The following SERINC1 variants were observed in gnomAD, a reference collection of about 807,000 sequenced individuals.
The protein encoded by SERINC1 is serine incorporator 1.
A neutral mutation model predicts 52.9 loss-of-function variants in SERINC1; 38 were observed. The ratio of observed to expected loss-of-function variants is 0.72; its 90% CI spans 0.55 to 0.94. SERINC1 has a LOEUF of 0.94. Ranked by LOEUF, SERINC1 falls within the 40% of genes least tolerant of loss-of-function variation. SERINC1 has a pLI of 0.00. For missense variants in SERINC1, 471 were observed against 533.9 expected, an observed-to-expected ratio of 0.88 and a Z score of 1.16; for synonymous variants, 198 against 183.1, an observed-to-expected ratio of 1.08 and a Z score of -0.66.
intron 1 of SERINC1, 82 bp from the exon 2 acceptor site, chr6:122,458,763 TTCTA>T: frequency 2.0e-6 from 2 of 996,882 alleles, no homozygotes; most frequent in Non-Finnish European, 2.9e-6. Context: ...AAAATTGACA[TTCTA>T]TCTGTTAAAA....
At position 122,443,604 on chromosome 6, in the gene SERINC1, A is replaced by G. The variant is rs555407580; in HGVS notation, c.*1440T>C. On this transcript the variant is annotated 3_prime_UTR_variant, in exon 10 of 10. Transcript: ENST00000339697. ...ACAATAATCTATATATTTCAATTAC[A>G]TGGCAGTAAATACAAAAGCATTTTA... The G allele has an allele frequency of 6.6e-6, 1 of 152,348 alleles. No homozygotes were observed. Among genetic ancestry groups the G allele is most frequent in the African/African-American group, 2.4e-5 (1 of 41,590 alleles). The allele number at this position is 152,348 out of a possible 1,614,324, so 9.4% of individuals were successfully genotyped here.
chr6:122,447,088 GT>G, intron 8 of SERINC1, 32 bp downstream of exon 8: 1 of 1,595,302 alleles, frequency 6.3e-7, no homozygotes, highest in Non-Finnish European at 8.6e-7. Context: ...TAGACTTCTT[GT>G]TTAAAGAAAA....
At position 122,447,223 on chromosome 6, in the gene SERINC1, T is replaced by C. The variant is rs1406110058; in HGVS notation, c.893A>G (p.Asn298Ser). Residue 298 changes from asparagine to serine, a missense_variant, in exon 8 of 10, where the codon AAT becomes AGT. Physicochemically the swap from Asn to Ser is conservative, Grantham distance 46. Coordinates refer to ENST00000339697, the MANE Select transcript of SERINC1 (RefSeq NM_020755.4). The part of the protein sequence containing the change: ...NPSLLSIIGY[N>S]TTSTVPKEGQ... ...TTCCTTTGGGACAGTGCTTGTTGTA[T>C]TGTAGCCAATTATGCTTAGTAGACT... 9 of 1,612,728 alleles carry C rather than the reference T, an allele frequency of 5.6e-6. No homozygotes were observed. Among genetic ancestry groups the C allele is most frequent in the African/African-American group, 2.7e-5 (2 of 74,892 alleles).
At chr6:122,457,900 A>T (rs144059772) in intron 2 of SERINC1, among the ~76,000 whole-genome samples, 1 of 151,784 alleles carries the variant, frequency 6.6e-6, no homozygotes, top group East Asian at 1.9e-4. Flanking sequence ...TCCTTCCACA[A>T]CCTGACTCTC....
intron 3 of SERINC1, among the ~76,000 whole-genome samples, chr6:122,454,782 A>G (rs1286087476): frequency 6.6e-6 from 1 of 152,192 alleles, no homozygotes; most frequent in Non-Finnish European, 1.5e-5. Flanking sequence ...CTGAAGGCAA[A>G]GGGAATACAC....
rs749818068 is a variant in SERINC1, at chr6:122,456,579, A to G, written c.273T>C (p.Tyr91=). 2.5e-6 allele frequency: 4 copies of G among 1,612,698 alleles called. No individual in the cohort carries two copies. In the South Asian group the frequency reaches 3.3e-5, roughly 13 times the overall value. Residue 91 remains tyrosine, a synonymous_variant, in exon 3 of 10, where the codon TAT becomes TAC. Coordinates refer to ENST00000339697, the MANE Select transcript of SERINC1 (RefSeq NM_020755.4). ...CNILVGYKAV[Y]RLCFGLAMFY... is the part of the protein sequence containing the mutation. ...ACATAGCCAAACCAAAGCACAAACG[A>G]TATACAGCTTTATAGCCAACCAAAA...
chr6:122,458,636 A>G lies in SERINC1; in HGVS notation c.85T>C (p.Cys29Arg). ...GSAPCLLCRC[C>R]PSGNNSTVTR... ...ACAGTGGAGTTGTTTCCACTAGGAC[A>G]GCATCGGCATAGCAAACACGGGGCA... is the stretch of plus-strand genomic sequence containing the variant. The change falls in exon 2 of 10, where the codon TGT becomes CGT. Residue 29 changes from cysteine (C) to arginine (R), a missense_variant. Transcript: ENST00000339697. 1 of 1,610,946 alleles carries G rather than the reference A, an allele frequency of 6.2e-7. No individual in the cohort carries two copies.
intron 2 of SERINC1, 83 bp from the exon 3 acceptor site, chr6:122,456,733 T>A: frequency 9.3e-7 from 1 of 1,072,062 alleles, no homozygotes; most frequent in Non-Finnish European, 1.3e-6. Context: ...ATAGTTTAAG[T>A]AAAGGTTTAG....
chr6:122,457,339 T>C (rs533112619), intron 2 of SERINC1, among the ~76,000 whole-genome samples: 2 of 152,224 alleles, frequency 1.3e-5, no homozygotes, highest in Non-Finnish European at 2.9e-5. Flanking sequence ...TCACTCTGAA[T>C]GATCTTCAGC....
At chr6:122,471,419 CAG>C (rs1775295680) in intron 1 of SERINC1, among the ~76,000 whole-genome samples, 1 of 151,238 alleles carries the variant, frequency 6.6e-6, no homozygotes, top group African/African-American at 2.4e-5. Context: ...GTTCACGAAG[CAG>C]GGGTGGGGGA....
In SERINC1 at chr6:122,447,157, C is replaced by T; in HGVS notation, c.959G>A (p.Gly320Glu). The part of the protein sequence containing the change: ...VQWWHAQGII[G>E]LILFLLCVFY... ...TACACACAACAAAAAGAGAATTAGT[C>T]CTATAATTCCTTGAGCATGCCACCA... Residue 320 changes from glycine to glutamate, a missense_variant, in exon 8 of 10, where the codon GGA (glycine) becomes GAA (glutamate). Coordinates refer to ENST00000339697, the MANE Select transcript of SERINC1 (RefSeq NM_020755.4). 6.2e-7 allele frequency: 1 copy of T among 1,613,272 alleles called. No homozygotes were observed. The highest frequency in any genetic ancestry group is 8.5e-7 in the Non-Finnish European group (1 of 1,179,302).
intron 1 of SERINC1, among the ~76,000 whole-genome samples, chr6:122,467,670 T>G (rs1380358061): frequency 6.6e-6 from 1 of 152,214 alleles, no homozygotes; most frequent in African/African-American, 2.4e-5. Flanking sequence ...AGTCATTGCA[T>G]ATTTAGTACA....
intron 7 of SERINC1, among the ~76,000 whole-genome samples, chr6:122,448,788 A>AT (rs67382351): frequency 0.1 from 11,937 of 119,380 alleles, 570 homozygotes; most frequent in South Asian, 0.14. Flanking sequence ...TGCTTTGCCT[A>AT]TTTTTTTTTT....
chr6:122,455,734 T>C (rs1774981491), intron 3 of SERINC1, among the ~76,000 whole-genome samples: 1 of 152,168 alleles, frequency 6.6e-6, no homozygotes, highest in South Asian at 2.1e-4. Flanking sequence ...CACTAATTCA[T>C]TATGGAAAAA....
chr6:122,471,627 C>G (rs1775303354), intron 1 of SERINC1, 72 bp downstream of exon 1: 2 of 1,597,724 alleles, frequency 1.3e-6, no homozygotes, highest in African/African-American at 1.3e-5. Context: ...CGGGCTCACC[C>G]AGCCCCGGCT....
chr6:122,447,038 AAAG>A, intron 8 of SERINC1, 34 bp from the exon 9 acceptor site: 2 of 1,582,270 alleles, frequency 1.3e-6, no homozygotes, highest in African/African-American at 1.4e-5. Flanking sequence ...GAGAGAAAAA[AAAG>A]AACATTTTTA....
In SERINC1 at chr6:122,445,227, A is replaced by G. The variant is rs545104972; in HGVS notation, c.1227-48T>C. ...TAAAAAGGGGCAAGGGGGTTGAATTATCAGCCACCAAGCTATGAAGCTTCA... is the reference window on the plus strand; with the variant it reads ...TAAAAAGGGGCAAGGGGGTTGAATTGTCAGCCACCAAGCTATGAAGCTTCA... On this transcript the variant is annotated intron_variant, in intron 9 of 9. Coordinates refer to ENST00000339697, the MANE Select transcript of SERINC1 (RefSeq NM_020755.4). 8 of 1,573,580 alleles carry G rather than the reference A, an allele frequency of 5.1e-6. No individual in the cohort carries two copies. The Admixed American group carries it at 1.4e-4, about 27-fold the overall frequency.
chr6:122,449,196 T>C lies in SERINC1; in HGVS notation c.851-1931A>G, dbSNP rs1030163084. 8.5e-5 allele frequency among the ~76,000 whole-genome samples: 13 copies of C among 152,168 alleles called. 1 individual carries two copies. Among genetic ancestry groups the C allele is most frequent in the Non-Finnish European group, 1.8e-4 (12 of 68,032 alleles). On this transcript the variant is annotated intron_variant, in intron 7 of 9. Coordinates refer to ENST00000339697, the MANE Select transcript of SERINC1 (RefSeq NM_020755.4). ...GCCAGTTAATAACCCTGCAATGGCCTCTAACTGTTCAAGTAAAAGAGTCCC... is the reference window on the plus strand; with the variant it reads ...GCCAGTTAATAACCCTGCAATGGCCCCTAACTGTTCAAGTAAAAGAGTCCC...
chr6:122,471,677 G>A (rs763101627), intron 1 of SERINC1, 22 bp downstream of exon 1: 3 of 1,614,094 alleles, frequency 1.9e-6, no homozygotes, highest in Non-Finnish European at 1.7e-6. Flanking sequence ...TAGCACCCCA[G>A]AGGCCGCAAA....
Sources: allele counts gnomAD v4.1 joint callset (sites outside exome capture counted in the v4.1 genomes callset), GRCh38; gene constraint gnomAD v4.1.1; transcripts MANE v1.5; gene names NCBI Gene and HGNC (gene_info 2026-07-23, HGNC 2026-07-21).